The following EPHB1 variants were observed in gnomAD, a reference collection of about 807,000 sequenced individuals.
EPHB1 encodes ephrin type-B receptor 1.
Under a neutral mutation model 94.4 loss-of-function variants are expected in EPHB1, and 30 were observed. That is an observed-to-expected ratio of 0.32 (90% confidence interval 0.24 to 0.43). The LOEUF (loss-of-function observed/expected upper bound fraction) is 0.43, where lower values mean the gene tolerates loss of function less well. Ranked by LOEUF, EPHB1 falls within the 20% of genes least tolerant of loss-of-function variation. EPHB1 has a pLI of 1.00. For synonymous variants in EPHB1, 522 were observed against 489.1 expected, an observed-to-expected ratio of 1.07 and a Z score of -0.89; for missense variants, 1,055 against 1,308.3, an observed-to-expected ratio of 0.81 and a Z score of 2.99.
intron 1 of EPHB1, among the ~76,000 whole-genome samples, chr3:134,871,833 G>A (rs1390762568): frequency 1.3e-5 from 2 of 152,284 alleles, no homozygotes; most frequent in East Asian, 3.9e-4. Context: ...TTATAACACT[G>A]TAAGTGGCAC....
Position 135,132,991 on chromosome 3 carries a change from C to T in EPHB1, c.1239C>T (p.Ser413=). The change falls in exon 5 of 16, where the codon TCC becomes TCT. Residue 413 remains serine (S), a synonymous_variant. Coordinates refer to ENST00000398015, the MANE Select transcript of EPHB1 (RefSeq NM_004441.5). ...ACATCCAGGCCATCAATGGAGTCTC[C>T]AGCAAGAGTCCCTTCCCCCCACAGC... is the stretch of plus-strand genomic sequence containing the variant. ...TFDIQAINGV[S]SKSPFPPQHV... The T allele has an allele frequency of 6.2e-7, 1 of 1,611,366 alleles. No homozygotes were observed. The highest frequency in any genetic ancestry group is 8.5e-7 in the Non-Finnish European group (1 of 1,177,722).
chr3:135,166,148 C>T lies in EPHB1; in HGVS notation c.1694+72C>T, dbSNP rs556723085. ...TCTCCATGTGCCGTTTCCCAGGCTGCGTGGATCAGATAGGGTGTGACCATT... is the reference window on the plus strand; with the variant it reads ...TCTCCATGTGCCGTTTCCCAGGCTGTGTGGATCAGATAGGGTGTGACCATT... On this transcript the variant is annotated intron_variant, in intron 8 of 15. Coordinates refer to ENST00000398015, the MANE Select transcript of EPHB1 (RefSeq NM_004441.5). 8.8e-6 allele frequency: 10 copies of T among 1,139,336 alleles called. No individual in the cohort carries two copies. In the East Asian group the frequency reaches 9.4e-5, roughly 11 times the overall value. The allele number at this position is 1,139,336 out of a possible 1,614,324, so 70.6% of individuals were successfully genotyped here.
chr3:135,111,743 G>A (rs1028343056), intron 4 of EPHB1, among the ~76,000 whole-genome samples: 2 of 152,106 alleles, frequency 1.3e-5, no homozygotes, highest in Non-Finnish European at 2.9e-5. Flanking sequence ...GCAGTGGCGT[G>A]ATCTCAGCTC....
intron 3 of EPHB1, among the ~76,000 whole-genome samples, chr3:134,959,517 T>C (rs1361813981): frequency 6.6e-6 from 1 of 152,170 alleles, no homozygotes; most frequent in Non-Finnish European, 1.5e-5. Flanking sequence ...TCTCTTGTGT[T>C]TTTATACCTT....
chr3:134,804,588 T>C lies in EPHB1; in HGVS notation c.58+8899T>C, dbSNP rs150693199. Among the ~76,000 whole-genome samples, 354 of 152,232 alleles carry C rather than the reference T, an allele frequency of 2.3e-3. 1 individual carries two copies. The highest frequency in any genetic ancestry group is 3.8e-3 in the Non-Finnish European group (260 of 68,012). On this transcript the variant is annotated intron_variant, in intron 1 of 15. Coordinates refer to ENST00000398015, the MANE Select transcript of EPHB1 (RefSeq NM_004441.5). ...GGGAGGAATCAGGGCACAGCGCAGG[T>C]CTTCTGGTACTCCCTTCATAGGCTC...
chr3:135,096,875 A>G (rs1166515948), intron 3 of EPHB1, among the ~76,000 whole-genome samples: 2 of 152,038 alleles, frequency 1.3e-5, no homozygotes, highest in African/African-American at 4.8e-5. Context: ...AGGGGGGCGG[A>G]TCACGAGGTC....
intron 2 of EPHB1, among the ~76,000 whole-genome samples, chr3:134,940,202 G>C (rs888353880): frequency 5.9e-5 from 9 of 152,162 alleles, no homozygotes; most frequent in Admixed American, 1.3e-4. Flanking sequence ...TCCACACCCT[G>C]GTGACTCAGC....
chr3:135,005,026 A>G (rs949410333), intron 3 of EPHB1, among the ~76,000 whole-genome samples: 2 of 152,232 alleles, frequency 1.3e-5, no homozygotes, highest in Middle Eastern at 3.4e-3. Flanking sequence ...TTGCAGGAGG[A>G]GAGGCGCTCT....
At chr3:134,926,793 C>T (rs139061031) in intron 2 of EPHB1, among the ~76,000 whole-genome samples, 15 of 152,200 alleles carry the variant, frequency 9.9e-5, no homozygotes, top group African/African-American at 3.4e-4. Flanking sequence ...ACAGGATTGT[C>T]GAGAACAGTT....
chr3:135,100,875 A>G (rs967483911), intron 3 of EPHB1, among the ~76,000 whole-genome samples: 1 of 151,844 alleles, frequency 6.6e-6, no homozygotes, highest in Non-Finnish European at 1.5e-5. Flanking sequence ...AAATATATAC[A>G]CGTTTAGGCA....
intron 1 of EPHB1, among the ~76,000 whole-genome samples, chr3:134,821,263 T>C (rs888637370): frequency 3.3e-5 from 5 of 152,210 alleles, no homozygotes; most frequent in African/African-American, 1.2e-4. Flanking sequence ...TTCATTGAAA[T>C]GTTAGTCTCA....
chr3:135,019,459 T>G (rs968113509), intron 3 of EPHB1, among the ~76,000 whole-genome samples: 1 of 152,186 alleles, frequency 6.6e-6, no homozygotes, highest in East Asian at 1.9e-4. Flanking sequence ...TAGATGAATA[T>G]GTCAGAAAAA....
At chr3:135,193,330 C>T (rs1005279759) in intron 11 of EPHB1, among the ~76,000 whole-genome samples, 7 of 152,332 alleles carry the variant, frequency 4.6e-5, no homozygotes, top group South Asian at 4.1e-4. Flanking sequence ...CAAGCATCCA[C>T]GGGTATTTCT....
chr3:134,968,007 C>A lies in EPHB1; in HGVS notation c.805+15955C>A, dbSNP rs922119785. On this transcript the variant is annotated intron_variant, in intron 3 of 15. Coordinates refer to ENST00000398015, the MANE Select transcript of EPHB1 (RefSeq NM_004441.5). ...CCTGTCCAAGGACCTCTCTAGAAAA[C>A]AAGGACATGAGTCCATTTGCCATGC... 5.7e-4 allele frequency among the ~76,000 whole-genome samples: 86 copies of A among 152,188 alleles called. 1 individual carries two copies. The highest frequency in any genetic ancestry group is 2.0e-3 in the African/African-American group (84 of 41,448).
rs2038991748 is a variant in EPHB1 at position 134,935,868 on chromosome 3, A to G, written c.123+9988A>G. 2.6e-5 allele frequency among the ~76,000 whole-genome samples: 4 copies of G among 152,224 alleles called. No homozygotes were observed. The South Asian group carries it at 8.3e-4, about 32-fold the overall frequency. On this transcript the variant is annotated intron_variant, in intron 2 of 15. Transcript: ENST00000398015. ...TACACTAATCATCACGATTAATTAC[A>G]TACCAACTGTGTGCCAGGCATCAAG...
chr3:135,215,824 T>C (rs1559878051), intron 12 of EPHB1, among the ~76,000 whole-genome samples: 1 of 152,290 alleles, frequency 6.6e-6, no homozygotes, highest in East Asian at 1.9e-4. Context: ...GCATGTCACG[T>C]GAGTTCCCAG....
At chr3:135,075,707 A>G (rs1937886378) in intron 3 of EPHB1, among the ~76,000 whole-genome samples, 1 of 152,154 alleles carries the variant, frequency 6.6e-6, no homozygotes, top group African/African-American at 2.4e-5. Flanking sequence ...GCAGGAGGCT[A>G]CTATCCTGCC....
chr3:134,883,533 A>G (rs1264759520), intron 1 of EPHB1, among the ~76,000 whole-genome samples: 1 of 152,228 alleles, frequency 6.6e-6, no homozygotes, highest in East Asian at 1.9e-4. Context: ...AATTCTAAGA[A>G]TGCAAGCCTG....
chr3:134,934,231 C>T (rs1458914944), intron 2 of EPHB1, among the ~76,000 whole-genome samples: 1 of 152,210 alleles, frequency 6.6e-6, no homozygotes, highest in Non-Finnish European at 1.5e-5. Context: ...AGGAACAAAA[C>T]ACCCGAGGCA....
Sources: gnomAD v4.1 joint callset for allele counts (sites outside exome capture counted in the v4.1 genomes callset) on GRCh38, gnomAD v4.1.1 for gene constraint, MANE v1.5 for transcripts, NCBI Gene and HGNC (gene_info 2026-07-23, HGNC 2026-07-21) for gene names.